The following COL14A1 variants were observed in gnomAD, a reference collection of about 807,000 sequenced individuals.
COL14A1 encodes collagen alpha-1(XIV) chain.
Under a neutral mutation model 230.3 loss-of-function variants are expected in COL14A1, and 136 were observed. That is an observed-to-expected ratio of 0.59 (90% CI 0.51 to 0.68). COL14A1 has a LOEUF of 0.68. Ranked by LOEUF, COL14A1 falls within the 30% of genes least tolerant of loss-of-function variation. COL14A1 has a pLI of 0.00. For synonymous variants in COL14A1, 792 were observed against 784.1 expected (o/e 1.01, Z -0.17); for missense variants, 1,976 against 2,215.8 (o/e 0.89, Z 2.17).
intron 46 of COL14A1, 69 bp from the exon 47 acceptor site, chr8:120,369,261 C>A (rs1823506748): frequency 7.0e-7 from 1 of 1,428,776 alleles, no homozygotes; most frequent in African/African-American, 1.4e-5. Context: ...TAGTTTACTT[C>A]TTGGTTGTCT....
chr8:120,296,202 A>G (rs905936659), intron 34 of COL14A1, among the ~76,000 whole-genome samples: 1 of 151,874 alleles, frequency 6.6e-6, no homozygotes, highest in Non-Finnish European at 1.5e-5. Flanking sequence ...AGCCATGCAC[A>G]TATTTCTGCA....
intron 5 of COL14A1, among the ~76,000 whole-genome samples, chr8:120,173,218 A>G (rs902871396): frequency 1.3e-5 from 2 of 152,084 alleles, no homozygotes; most frequent in African/African-American, 2.4e-5. Context: ...ATTTGAGTGG[A>G]TTATAATCCA....
intron 44 of COL14A1, among the ~76,000 whole-genome samples, chr8:120,344,128 A>G (rs1822413890): frequency 6.6e-6 from 1 of 152,206 alleles, no homozygotes; most frequent in South Asian, 2.1e-4. Context: ...ACAAGTCTAT[A>G]AAATAGCAAG....
chr8:120,229,010 TC>T (rs916525641), intron 18 of COL14A1, among the ~76,000 whole-genome samples: 2 of 151,972 alleles, frequency 1.3e-5, no homozygotes, highest in African/African-American at 4.8e-5. Flanking sequence ...TTCATCTTTG[TC>T]TGGATGCTCA....
At chr8:120,230,984 A>G (rs1818249098) in intron 18 of COL14A1, among the ~76,000 whole-genome samples, 1 of 152,184 alleles carries the variant, frequency 6.6e-6, no homozygotes, top group African/African-American at 2.4e-5. Context: ...GCCTGAGCGC[A>G]GATTTGTGCT....
chr8:120,238,763 T>A (rs947976961), intron 19 of COL14A1, among the ~76,000 whole-genome samples: 3 of 152,202 alleles, frequency 2.0e-5, no homozygotes, highest in African/African-American at 7.2e-5. Flanking sequence ...TCTCCTGGTC[T>A]GTGGGTTGCA....
At chr8:120,143,731 G>A (rs1189649166) in intron 1 of COL14A1, among the ~76,000 whole-genome samples, 1 of 152,036 alleles carries the variant, frequency 6.6e-6, no homozygotes, top group Non-Finnish European at 1.5e-5. Flanking sequence ...AGCTTTGTAA[G>A]CTAAGAGATA....
intron 47 of COL14A1, 67 bp from the exon 48 acceptor site, chr8:120,371,083 GGT>G: frequency 7.4e-7 from 1 of 1,350,326 alleles, no homozygotes; most frequent in Non-Finnish European, 1.0e-6. Flanking sequence ...TAAGGACCCA[GGT>G]GAGGGGAGAA....
intron 26 of COL14A1, among the ~76,000 whole-genome samples, chr8:120,275,453 CCAAAAGCAAATTCAA>C (rs1222341489): frequency 2.0e-5 from 3 of 151,822 alleles, no homozygotes; most frequent in Admixed American, 1.3e-4. Flanking sequence ...GACTAAGACT[CCAAAAGCAAATTCAA>C]CAAAAACAAA....
rs771992845 is a variant in COL14A1, at chr8:120,247,710, T to C, written c.2577T>C (p.Tyr859=). 3 of 1,614,138 alleles carry C rather than the reference T, an allele frequency of 1.9e-6. No homozygotes were observed. The East Asian group carries it at 6.7e-5, about 36-fold the overall frequency. Reference sequence around the variant, plus strand: ...CCCCATCTTCCCCGGTGAAAGGCTATAGAATTGTCTACAAACCTGTCAGTG... The same window carrying C: ...CCCCATCTTCCCCGGTGAAAGGCTACAGAATTGTCTACAAACCTGTCAGTG... ...WDPPSSPVKG[Y]RIVYKPVSVP... is the part of the protein sequence containing the mutation. The change falls in exon 21 of 48, where the codon TAT becomes TAC. Residue 859 remains tyrosine (Y), a synonymous_variant. Coordinates refer to ENST00000297848, the MANE Select transcript of COL14A1 (RefSeq NM_021110.4).
At chr8:120,345,080 AG>A (rs1384223987) in intron 44 of COL14A1, among the ~76,000 whole-genome samples, 1 of 152,148 alleles carries the variant, frequency 6.6e-6, no homozygotes, top group African/African-American at 2.4e-5. Flanking sequence ...ATAAATGTTG[AG>A]GGTAAAGATG....
intron 23 of COL14A1, among the ~76,000 whole-genome samples, chr8:120,257,450 G>C (rs1007746525): frequency 6.6e-6 from 1 of 152,196 alleles, no homozygotes; most frequent in Non-Finnish European, 1.5e-5. Flanking sequence ...TGATGGAGGA[G>C]TGAGTGTGGG....
At chr8:120,284,772 A>G (rs1375830627) in intron 32 of COL14A1, among the ~76,000 whole-genome samples, 6 of 152,204 alleles carry the variant, frequency 3.9e-5, no homozygotes, top group Non-Finnish European at 2.9e-5. Flanking sequence ...TAAAATGATT[A>G]AGACTAGCTT....
chr8:120,259,387 A>G (rs1466861568), intron 23 of COL14A1, among the ~76,000 whole-genome samples: 2 of 152,116 alleles, frequency 1.3e-5, no homozygotes, highest in Non-Finnish European at 2.9e-5. Flanking sequence ...ACAAATAAAG[A>G]CAGATTTTTT....
intron 34 of COL14A1, among the ~76,000 whole-genome samples, chr8:120,290,914 CACTT>C (rs953973700): frequency 2.0e-5 from 3 of 152,210 alleles, no homozygotes; most frequent in African/African-American, 7.2e-5. Context: ...AGTAGTTTAA[CACTT>C]ACAGTTGAAG....
intron 23 of COL14A1, among the ~76,000 whole-genome samples, chr8:120,255,907 A>C (rs1043373138): frequency 6.6e-6 from 1 of 151,980 alleles, no homozygotes; most frequent in African/African-American, 2.4e-5. Flanking sequence ...ACAATTTGGG[A>C]CTTGTTCCAA....
intron 19 of COL14A1, among the ~76,000 whole-genome samples, chr8:120,233,780 A>G (rs1818352836): frequency 6.6e-6 from 1 of 152,200 alleles, no homozygotes; most frequent in South Asian, 2.1e-4. Context: ...CTTTTTGCTT[A>G]GGATTGTCTT....
rs188723271 is a variant in COL14A1, at chr8:120,139,618, G to A, written c.-37-8188G>A. On this transcript the variant is annotated intron_variant, in intron 1 of 47. Coordinates refer to ENST00000297848, the MANE Select transcript of COL14A1 (RefSeq NM_021110.4). ...TCTGCTCAAGTAGAAAATTCATTAT[G>A]ATTCCCCTTTCCTTTTTTGCTATTT... Among the ~76,000 whole-genome samples the A allele has an allele frequency of 2.5e-3, 374 of 152,234 alleles. 2 individuals carry two copies. The highest frequency in any genetic ancestry group is 7.6e-3 in the African/African-American group (316 of 41,552).
At chr8:120,160,990 G>A (rs937830140) in intron 3 of COL14A1, among the ~76,000 whole-genome samples, 1 of 152,088 alleles carries the variant, frequency 6.6e-6, no homozygotes, top group Non-Finnish European at 1.5e-5. Context: ...TTTGTTTTTT[G>A]AGAAACTTTT....
Sources: gnomAD v4.1 joint callset for allele counts (sites outside exome capture counted in the v4.1 genomes callset) on GRCh38, gnomAD v4.1.1 for gene constraint, MANE v1.5 for transcripts, NCBI Gene and HGNC (gene_info 2026-07-23, HGNC 2026-07-21) for gene names.